Variants in MAGI2 observed in about 807,000 individuals in gnomAD.
The protein encoded by MAGI2 is membrane-associated guanylate kinase, WW and PDZ domain-containing protein 2.
In MAGI2, 35 loss-of-function variants were observed where a neutral mutation model predicts 133.3. The observed-to-expected ratio is 0.26, with a 90% confidence interval of 0.20 to 0.35. The LOEUF (loss-of-function observed/expected upper bound fraction) is 0.35, where lower values mean the gene tolerates loss of function less well. Ranked by LOEUF, MAGI2 falls within the 10% of genes least tolerant of loss-of-function variation. The pLI is 1.00. For missense variants in MAGI2, 1,636 were observed against 1,863.4 expected, an observed-to-expected ratio of 0.88 and a Z score of 2.25; for synonymous variants, 729 against 710.6, an observed-to-expected ratio of 1.03 and a Z score of -0.41.
At chr7:78,732,081 A>G (rs1821418144) in intron 2 of MAGI2, among the ~76,000 whole-genome samples, 1 of 152,190 alleles carries the variant, frequency 6.6e-6, no homozygotes, top group Admixed American at 6.5e-5. Flanking sequence ...AAAGAAAAGA[A>G]AAGAACAATA....
chr7:78,782,088 A>C (rs1826439761), intron 2 of MAGI2, among the ~76,000 whole-genome samples: 1 of 152,192 alleles, frequency 6.6e-6, no homozygotes, highest in South Asian at 2.1e-4. Context: ...CTTAAGAAAA[A>C]AGGTTCATTT....
intron 2 of MAGI2, among the ~76,000 whole-genome samples, chr7:78,656,231 T>A (rs1315922573): frequency 6.6e-6 from 1 of 152,154 alleles, no homozygotes; most frequent in Non-Finnish European, 1.5e-5. Flanking sequence ...ATTCTGGACC[T>A]CTGTGTCTTC....
chr7:79,255,967 A>G (rs568741637), intron 1 of MAGI2, among the ~76,000 whole-genome samples: 1 of 152,354 alleles, frequency 6.6e-6, no homozygotes, highest in South Asian at 2.1e-4. Context: ...AAAAGATCTG[A>G]AACACTTTAA....
chr7:78,292,725 C>T (rs559497590), intron 9 of MAGI2, among the ~76,000 whole-genome samples: 6 of 152,166 alleles, frequency 3.9e-5, no homozygotes, highest in Admixed American at 3.3e-4. Context: ...GGTACTGGTA[C>T]GAAAACAGAG....
chr7:79,007,062 A>C (rs1807527517), intron 2 of MAGI2, 28 bp downstream of exon 2: 1 of 1,429,548 alleles, frequency 7.0e-7, no homozygotes, highest in African/African-American at 1.5e-5. Context: ...CTCAACATAA[A>C]AATATTAATA....
chr7:78,928,262 C>A (rs1436156979), intron 2 of MAGI2, among the ~76,000 whole-genome samples: 1 of 151,848 alleles, frequency 6.6e-6, no homozygotes, highest in Admixed American at 6.6e-5. Context: ...TTATCAAAGG[C>A]AGATGGGGCT....
chr7:78,386,018 G>A, intron 6 of MAGI2, among the ~76,000 whole-genome samples: 1 of 151,996 alleles, frequency 6.6e-6, no homozygotes, highest in East Asian at 1.9e-4. Flanking sequence ...TCAAACAGTG[G>A]GCAGGATATT....
chr7:78,441,885 T>C (rs536390951), intron 6 of MAGI2, among the ~76,000 whole-genome samples: 45 of 152,270 alleles, frequency 3.0e-4, no homozygotes, highest in African/African-American at 9.9e-4. Flanking sequence ...TCTTTCATAC[T>C]TTCTCTCTTC....
intron 1 of MAGI2, among the ~76,000 whole-genome samples, chr7:79,091,275 T>C (rs1249507411): frequency 1.3e-5 from 2 of 152,104 alleles, no homozygotes; most frequent in Admixed American, 6.6e-5. Flanking sequence ...AATAAAGCAG[T>C]CTTCCCCTAA....
At chr7:79,118,877 A>G (rs995314854) in intron 1 of MAGI2, among the ~76,000 whole-genome samples, 25 of 152,286 alleles carry the variant, frequency 1.6e-4, no homozygotes, top group African/African-American at 6.0e-4. Flanking sequence ...GGACTGGTGG[A>G]TATCAAAGGA....
At chr7:78,036,418 G>A (rs3084715) in intron 21 of MAGI2, among the ~76,000 whole-genome samples, 4 of 336 alleles carry the variant, frequency 0.012, no homozygotes, top group Admixed American at 0.067. Context: ...TAATAATAAT[G>A]ATGGTAAAAA....
intron 2 of MAGI2, among the ~76,000 whole-genome samples, chr7:78,742,248 T>G (rs926310613): frequency 1.3e-5 from 2 of 152,110 alleles, no homozygotes; most frequent in East Asian, 3.9e-4. Flanking sequence ...AGAATAGGCC[T>G]AAAAAGGTTA....
At chr7:79,102,719 GA>G (rs1196610944) in intron 1 of MAGI2, among the ~76,000 whole-genome samples, 9 of 152,230 alleles carry the variant, frequency 5.9e-5, no homozygotes, top group African/African-American at 1.9e-4. Flanking sequence ...TCAATTTAAA[GA>G]CATTTTAGTT....
chr7:78,247,412 C>T (rs1446319576), intron 10 of MAGI2, among the ~76,000 whole-genome samples: 2 of 151,918 alleles, frequency 1.3e-5, no homozygotes, highest in African/African-American at 4.8e-5. Flanking sequence ...ATGACCCTAC[C>T]AAAGGAACAC....
chr7:78,869,989 C>G (rs1482772885), intron 2 of MAGI2, among the ~76,000 whole-genome samples: 1 of 152,158 alleles, frequency 6.6e-6, no homozygotes, highest in Non-Finnish European at 1.5e-5. Context: ...GCTTTGGTAA[C>G]TATAGCCTTG....
intron 1 of MAGI2, among the ~76,000 whole-genome samples, chr7:79,132,139 C>T (rs2129545408): frequency 6.6e-6 from 1 of 152,082 alleles, no homozygotes; most frequent in African/African-American, 2.4e-5. Flanking sequence ...CTCGCACTGG[C>T]TTTTTAAAAA....
chr7:78,562,655 C>T (rs955009169), intron 3 of MAGI2, among the ~76,000 whole-genome samples: 5 of 152,068 alleles, frequency 3.3e-5, no homozygotes, highest in Non-Finnish European at 7.3e-5. Flanking sequence ...AAATATACTC[C>T]TTCAAGATAC....
chr7:79,084,226 A>G (rs988646126), intron 1 of MAGI2, among the ~76,000 whole-genome samples: 6 of 151,526 alleles, frequency 4.0e-5, no homozygotes, highest in African/African-American at 1.5e-4. Flanking sequence ...TTCTAGTTTT[A>G]TAAGGTAGAA....
At chr7:79,004,742 A>G (rs1355852576) in intron 2 of MAGI2, among the ~76,000 whole-genome samples, 6 of 152,200 alleles carry the variant, frequency 3.9e-5, no homozygotes, top group East Asian at 1.9e-4. Context: ...TTATGTATCA[A>G]TTAGAAATTC....
Sources: gnomAD v4.1 joint callset for allele counts (sites outside exome capture counted in the v4.1 genomes callset) on GRCh38, gnomAD v4.1.1 for gene constraint, MANE v1.5 for transcripts, NCBI Gene and HGNC (gene_info 2026-07-23, HGNC 2026-07-21) for gene names.